Variants in RBFOX1 observed in about 807,000 individuals in gnomAD.
The protein encoded by RBFOX1 is RNA binding protein fox-1 homolog 1.
RBFOX1 carries 8 observed loss-of-function variants against 57.7 expected under a neutral mutation model. The observed-to-expected ratio is 0.14, with a 90% CI of 0.08 to 0.25. The LOEUF is 0.25. RBFOX1 is among the 10% of genes least tolerant of loss of function. The probability of loss-of-function intolerance (pLI) is 1.00; values close to 1 mark genes in which losing one functional copy is unlikely to be tolerated. For synonymous variants in RBFOX1, 326 were observed against 222.4 expected, an observed-to-expected ratio of 1.47 and a Z score of -4.15; for missense variants, 611 against 548.5, an observed-to-expected ratio of 1.11 and a Z score of -1.14.
At chr16:7,157,202 A>G (rs1476357572) in intron 4 of RBFOX1, among the ~76,000 whole-genome samples, 2 of 152,206 alleles carry the variant, frequency 1.3e-5, no homozygotes, top group Admixed American at 1.3e-4. Flanking sequence ...CAGGCTGGAA[A>G]GCCTCTCCTT....
At chr16:6,216,790 C>G (rs570356140) in intron 1 of RBFOX1, among the ~76,000 whole-genome samples, 1 of 152,130 alleles carries the variant, frequency 6.6e-6, no homozygotes, top group Non-Finnish European at 1.5e-5. Context: ...TTATTTCTCA[C>G]GTATATGCCT....
At chr16:5,391,328 A>G (rs2066401507) in intron 1 of RBFOX1, among the ~76,000 whole-genome samples, 1 of 124,104 alleles carries the variant, frequency 8.1e-6, no homozygotes, top group African/African-American at 3.1e-5. Context: ...TTCCTCCTAG[A>G]GGCTTTAGGG....
At chr16:7,082,307 G>A (rs572000547) in intron 4 of RBFOX1, among the ~76,000 whole-genome samples, 25 of 152,246 alleles carry the variant, frequency 1.6e-4, no homozygotes, top group African/African-American at 5.3e-4. Context: ...CAGGCTGGGC[G>A]TGGTCGTTTC....
At chr16:7,095,790 A>T (rs2061590745) in intron 4 of RBFOX1, among the ~76,000 whole-genome samples, 1 of 152,060 alleles carries the variant, frequency 6.6e-6, no homozygotes, top group African/African-American at 2.4e-5. Flanking sequence ...CGGGAGACCG[A>T]TCATGAGGTC....
intron 4 of RBFOX1, among the ~76,000 whole-genome samples, chr16:7,116,292 C>A (rs1010091884): frequency 6.6e-6 from 1 of 152,128 alleles, no homozygotes; most frequent in East Asian, 1.9e-4. Context: ...CTCTATCTGC[C>A]TCTGAAAGCC....
At chr16:6,597,566 G>A (rs546924367) in intron 2 of RBFOX1, among the ~76,000 whole-genome samples, 34 of 152,168 alleles carry the variant, frequency 2.2e-4, no homozygotes, top group Admixed American at 3.9e-4. Context: ...CCAGCTATTC[G>A]GGAGGCTGAG....
At chr16:5,631,486 G>A (rs1275071067) in intron 3 of RBFOX1, among the ~76,000 whole-genome samples, 2 of 151,892 alleles carry the variant, frequency 1.3e-5, no homozygotes, top group African/African-American at 4.8e-5. Flanking sequence ...GAACCAAGGA[G>A]GCGGAGGTTG....
intron 2 of RBFOX1, among the ~76,000 whole-genome samples, chr16:6,485,269 A>C (rs1330179048): frequency 6.6e-6 from 1 of 152,176 alleles, no homozygotes; most frequent in Admixed American, 6.5e-5. Flanking sequence ...TAGAATACTC[A>C]GAGGTTATGA....
At chr16:6,921,411 C>T (rs564827932) in intron 3 of RBFOX1, among the ~76,000 whole-genome samples, 3 of 152,160 alleles carry the variant, frequency 2.0e-5, no homozygotes, top group Admixed American at 6.6e-5. Context: ...GTTGTTGGCA[C>T]AATTTATTTC....
At chr16:6,182,701 A>G (rs982704540) in intron 1 of RBFOX1, among the ~76,000 whole-genome samples, 2 of 152,212 alleles carry the variant, frequency 1.3e-5, no homozygotes, top group African/African-American at 2.4e-5. Context: ...ATTAAATTGC[A>G]TATTCTGACC....
chr16:7,436,163 C>G (rs1189054850), intron 4 of RBFOX1, among the ~76,000 whole-genome samples: 2 of 152,300 alleles, frequency 1.3e-5, no homozygotes, highest in South Asian at 2.1e-4. Context: ...ACATTCCTCT[C>G]TTTTGACCGA....
At chr16:6,462,440 T>C (rs1361559051) in intron 2 of RBFOX1, among the ~76,000 whole-genome samples, 31 of 152,248 alleles carry the variant, frequency 2.0e-4, no homozygotes, top group Non-Finnish European at 8.8e-5. Flanking sequence ...CTTACTCCTT[T>C]TACATATCTG....
At chr16:6,930,810 C>G (rs995630116) in intron 3 of RBFOX1, among the ~76,000 whole-genome samples, 9 of 152,242 alleles carry the variant, frequency 5.9e-5, no homozygotes, top group South Asian at 2.1e-4. Context: ...TTTATTCAGT[C>G]TATGAGCAAA....
intron 2 of RBFOX1, among the ~76,000 whole-genome samples, chr16:5,512,434 G>GTC (rs140825573): frequency 6.7e-6 from 1 of 148,460 alleles, no homozygotes; most frequent in Non-Finnish European, 1.5e-5. Context: ...CTCTCTCTCT[G>GTC]TCTCTCTCTC....
chr16:6,918,795 A>T (rs1002210624), intron 3 of RBFOX1, among the ~76,000 whole-genome samples: 3 of 152,196 alleles, frequency 2.0e-5, no homozygotes, highest in Admixed American at 2.0e-4. Flanking sequence ...AGTATGCAGG[A>T]GCATTGAGCA....
chr16:7,247,145 G>C (rs1180079038), intron 4 of RBFOX1, among the ~76,000 whole-genome samples: 2 of 152,116 alleles, frequency 1.3e-5, no homozygotes, highest in Admixed American at 1.3e-4. Context: ...GCTTTGGAGG[G>C]AACTCTGGTC....
Position 5,559,388 on chromosome 16 carries a change from C to G in RBFOX1, c.259-39514C>G, listed in dbSNP as rs142496454. 7.9e-5 allele frequency among the ~76,000 whole-genome samples: 12 copies of G among 152,244 alleles called. No homozygotes were observed. In the East Asian group the frequency reaches 2.3e-3, roughly 30 times the overall value. On this transcript the variant is annotated intron_variant, in intron 2 of 2. Transcript: ENST00000585867. ...TGTAATCTGGTGTGGCTGTGATCCT[C>G]AGATCTGAAATATGGCAGCTAATAG...
chr16:5,265,769 G>T (rs1346597437), intron 1 of RBFOX1, among the ~76,000 whole-genome samples: 3 of 152,162 alleles, frequency 2.0e-5, no homozygotes, highest in African/African-American at 7.2e-5. Flanking sequence ...TACCTCTCTG[G>T]AGTGAATGGT....
At chr16:6,684,122 G>A (rs1038815070) in intron 3 of RBFOX1, among the ~76,000 whole-genome samples, 45 of 152,106 alleles carry the variant, frequency 3.0e-4, no homozygotes, top group African/African-American at 1.1e-3. Flanking sequence ...ATTTCCTGAT[G>A]GTTTTCAATG....
Sources: allele counts gnomAD v4.1 joint callset (sites outside exome capture counted in the v4.1 genomes callset), GRCh38; gene constraint gnomAD v4.1.1; transcripts MANE v1.5; gene names NCBI Gene and HGNC (gene_info 2026-07-23, HGNC 2026-07-21).